The following WFDC9 variants were observed in gnomAD, a reference collection of about 807,000 sequenced individuals.
WFDC9 encodes the protein protein WFDC9.
A neutral mutation model predicts 9.5 loss-of-function variants in WFDC9; 9 were observed. That is an observed-to-expected ratio of 0.95 (90% CI 0.57 to 1.65). WFDC9 has a LOEUF of 1.65. Ranked by LOEUF, WFDC9 falls within the 40% of genes most tolerant of loss-of-function variation. The pLI, the probability that WFDC9 is intolerant of heterozygous loss-of-function variation, is 0.00. For missense variants in WFDC9, 87 were observed against 106.7 expected (o/e 0.82, Z 0.81); for synonymous variants, 33 against 32.3 (o/e 1.02, Z -0.07).
Position 45,608,134 on chromosome 20 carries a change from G to A in WFDC9, c.246C>T (p.Pro82=). ...TCTAGGGGTTTAGCATTGATTTAAG[G>A]GGCTCTCTAGAAGAGAAAAGTTAGT... The part of the protein sequence containing the change: ...CGNICLDNEE[P]LKSMLNP The change falls in exon 5 of 5, where the codon CCC becomes CCT. Residue 82 remains proline (P), a synonymous_variant. Coordinates refer to ENST00000326000, the MANE Select transcript of WFDC9 (RefSeq NM_147198.4). 6.2e-7 allele frequency: 1 copy of A among 1,612,354 alleles called. No individual in the cohort carries two copies. Among genetic ancestry groups the A allele is most frequent in the South Asian group, 1.1e-5 (1 of 90,662 alleles).
At position 45,614,626 on chromosome 20, in the gene WFDC9, A is replaced by T. The variant is rs1231721789; in HGVS notation, c.-59+2T>A. 6.6e-6 allele frequency: 1 copy of T among 151,994 alleles called. No homozygotes were observed. Among genetic ancestry groups the T allele is most frequent in the South Asian group, 2.1e-4 (1 of 4,820 alleles). The allele number at this position is 151,994 out of a possible 1,614,324, so 9.4% of individuals were successfully genotyped here. On this transcript the variant is annotated splice_donor_variant, in intron 2 of 4. Coordinates refer to ENST00000326000, the MANE Select transcript of WFDC9 (RefSeq NM_147198.4). LOFTEE classifies it low-confidence loss of function (5UTR_SPLICE). ...TGTCTCAAGACCTTTATCCCCACCT[A>T]CCTCTGAAGGTGTCTGCATTGAGTG...
Position 45,610,241 on chromosome 20 carries a change from T to C in WFDC9, c.-58-2A>G. On this transcript the variant is annotated splice_acceptor_variant, in intron 2 of 4. Coordinates refer to ENST00000326000, the MANE Select transcript of WFDC9 (RefSeq NM_147198.4). LOFTEE classifies it low-confidence loss of function (5UTR_SPLICE). ...CAGAAGGCAAGTCTTTTCCCAATAC[T>C]GCTAGACGTAGAAAATGGATTGAGG... 1 of 1,429,990 alleles carries C rather than the reference T, an allele frequency of 7.0e-7. No individual in the cohort carries two copies. Among genetic ancestry groups the C allele is most frequent in the South Asian group, 1.2e-5 (1 of 84,366 alleles). 88.6% of individuals were successfully genotyped at this position (1,429,990 alleles called of 1,614,324 possible). A position where few individuals can be genotyped will look rare whatever the true frequency, so the allele number is the denominator to read the frequency against.
chr20:45,609,596 A>T (rs566380256), intron 3 of WFDC9, among the ~76,000 whole-genome samples: 1 of 152,212 alleles, frequency 6.6e-6, no homozygotes, highest in Admixed American at 6.5e-5. Context: ...CCTCCTGCTC[A>T]GTGTCTTTGT....
At chr20:45,620,660 G>T (rs1171016763) in intron 1 of WFDC9, among the ~76,000 whole-genome samples, 1 of 152,304 alleles carries the variant, frequency 6.6e-6, no homozygotes, top group East Asian at 1.9e-4. Flanking sequence ...AGGCCATTTT[G>T]TGTGTATGTG....
intron 1 of WFDC9, among the ~76,000 whole-genome samples, chr20:45,623,758 T>C (rs1400293071): frequency 1.3e-5 from 2 of 152,220 alleles, no homozygotes; most frequent in Non-Finnish European, 2.9e-5. Context: ...CTCAAACATT[T>C]ATCATTTCTT....
intron 1 of WFDC9, chr20:45,630,844 A>C (rs754872788): frequency 1.9e-6 from 3 of 1,561,790 alleles, no homozygotes; most frequent in Non-Finnish European, 2.6e-6. Context: ...AACTGCGTTT[A>C]TTTACCGTTC....
At chr20:45,625,908 C>T (rs183444293) in intron 1 of WFDC9, among the ~76,000 whole-genome samples, 1 of 147,536 alleles carries the variant, frequency 6.8e-6, no homozygotes, top group African/African-American at 2.5e-5. Context: ...CCTCTGCCTC[C>T]CAGGTTCAAG....
chr20:45,624,706 C>T (rs2425717), intron 1 of WFDC9, among the ~76,000 whole-genome samples: 88,875 of 152,004 alleles, frequency 0.58, 27,002 homozygotes, highest in East Asian at 0.98. Flanking sequence ...AGTTCCCCTT[C>T]CTCCACAAGG....
chr20:45,619,199 A>G (rs1339989370), intron 1 of WFDC9, among the ~76,000 whole-genome samples: 1 of 152,210 alleles, frequency 6.6e-6, no homozygotes, highest in Non-Finnish European at 1.5e-5. Flanking sequence ...ATGATGTTCC[A>G]TGCATGACGA....
chr20:45,608,693 G>A lies in WFDC9; in HGVS notation c.209C>T (p.Thr70Ile), dbSNP rs1229877880. ...CVRPNHTCCWTYCGNICLDNE... is the reference protein window; with the variant it reads ...CVRPNHTCCWIYCGNICLDNE... ...GTCTAAGCAGATGTTTCCACAGTAG[G>A]TCCAGCAGCATGTATGATTTGGACG... Residue 70 changes from threonine to isoleucine, a missense_variant, in exon 4 of 5, where the codon ACC becomes ATC. Thr to Ile is a moderately conservative substitution (Grantham distance 89). Coordinates refer to ENST00000326000, the MANE Select transcript of WFDC9 (RefSeq NM_147198.4). 3.7e-6 allele frequency: 6 copies of A among 1,613,676 alleles called. No homozygotes were observed. In the African/African-American group the frequency reaches 4.0e-5, roughly 11 times the overall value.
chr20:45,609,272 C>T (rs1981802143), intron 3 of WFDC9, among the ~76,000 whole-genome samples: 1 of 151,336 alleles, frequency 6.6e-6, no homozygotes, highest in Admixed American at 6.6e-5. Flanking sequence ...GGCATGATCT[C>T]AGCTCACTGC....
chr20:45,614,476 A>T (rs1336213172), intron 2 of WFDC9, among the ~76,000 whole-genome samples, 152 bp downstream of exon 2: 1 of 152,188 alleles, frequency 6.6e-6, no homozygotes, highest in Non-Finnish European at 1.5e-5. Flanking sequence ...GGAACCTCAG[A>T]CAGCTCATGT....
chr20:45,619,344 G>A (rs1426271636), intron 1 of WFDC9, among the ~76,000 whole-genome samples: 2 of 152,066 alleles, frequency 1.3e-5, no homozygotes, highest in Non-Finnish European at 2.9e-5. Context: ...AGGACAATCT[G>A]TATACTCTTC....
chr20:45,624,379 G>A (rs955879629), intron 1 of WFDC9, among the ~76,000 whole-genome samples: 16 of 152,170 alleles, frequency 1.1e-4, no homozygotes, highest in Non-Finnish European at 2.4e-4. Flanking sequence ...CAGCCATGGT[G>A]CCATGAACCA....
intron 4 of WFDC9, among the ~76,000 whole-genome samples, 173 bp downstream of exon 4, chr20:45,608,490 G>T (rs1444213750): frequency 1.3e-5 from 2 of 152,214 alleles, no homozygotes; most frequent in Non-Finnish European, 2.9e-5. Flanking sequence ...TCATGTTGGT[G>T]TCTTGGTTTA....
At chr20:45,618,437 C>A (rs951789100) in intron 1 of WFDC9, among the ~76,000 whole-genome samples, 2 of 152,232 alleles carry the variant, frequency 1.3e-5, no homozygotes, top group South Asian at 2.1e-4. Context: ...AGAGGCCTAG[C>A]TTTCAGCCTA....
At position 45,609,392 on chromosome 20, in the gene WFDC9, C is replaced by T. The variant is rs374508187; in HGVS notation, c.92-582G>A. Among the ~76,000 whole-genome samples the T allele has an allele frequency of 3.3e-5, 5 of 151,984 alleles. No homozygotes were observed. In the East Asian group the frequency reaches 7.7e-4, roughly 23 times the overall value. ...CTAATTTTTTGTATCTTAATAGAGA[C>T]GGGGTTTCACCATGTTGGTTGGGCA... is the stretch of plus-strand genomic sequence containing the variant. On this transcript the variant is annotated intron_variant, in intron 3 of 4. Coordinates refer to ENST00000326000, the MANE Select transcript of WFDC9 (RefSeq NM_147198.4).
chr20:45,620,072 G>A (rs2903789), intron 1 of WFDC9, among the ~76,000 whole-genome samples: 51,530 of 151,764 alleles, frequency 0.34, 8,844 homozygotes, highest in Middle Eastern at 0.43. Context: ...AGGGAGGAAG[G>A]CAGGCATGTA....
intron 1 of WFDC9, among the ~76,000 whole-genome samples, chr20:45,627,138 G>A (rs1224958580): frequency 6.6e-6 from 1 of 152,120 alleles, no homozygotes; most frequent in African/African-American, 2.4e-5. Flanking sequence ...TGTGTACATT[G>A]AGCCATTCTT....
Sources: allele counts gnomAD v4.1 joint callset (sites outside exome capture counted in the v4.1 genomes callset), GRCh38; gene constraint gnomAD v4.1.1; transcripts MANE v1.5; gene names NCBI Gene and HGNC (gene_info 2026-07-23, HGNC 2026-07-21).